The following PUM1 variants were observed in gnomAD, a reference collection of about 807,000 sequenced individuals.
PUM1 encodes pumilio RNA binding family member 1.
Under a neutral mutation model 131.8 loss-of-function variants are expected in PUM1, and 13 were observed. That is an observed-to-expected ratio of 0.10 (90% confidence interval 0.06 to 0.16). PUM1 has a LOEUF of 0.16. Among genes scored for constraint, PUM1 ranks in the 10% least tolerant of loss-of-function variants. The pLI, the probability that PUM1 is intolerant of heterozygous loss-of-function variation, is 1.00. For synonymous variants in PUM1, 509 were observed against 556.5 expected (o/e 0.91, Z 1.20); for missense variants, 961 against 1,512.4 (o/e 0.64, Z 6.05).
chr1:31,043,803 TA>T (rs1409838798), intron 2 of PUM1, among the ~76,000 whole-genome samples: 5 of 152,156 alleles, frequency 3.3e-5, no homozygotes, highest in African/African-American at 1.2e-4. Flanking sequence ...TTAGCCCCAG[TA>T]AAATGTGTGG....
chr1:30,992,433 G>C lies in PUM1; in HGVS notation c.1115C>G (p.Ala372Gly). Residue 372 changes from alanine to glycine, a missense_variant, in exon 7 of 22, where the codon GCA becomes GGA. Coordinates refer to ENST00000426105, the MANE Select transcript of PUM1 (RefSeq NM_001020658.2). ...YSGTQVPVDS[A>G]AATVGLFDYN... ...GTCAAAAAGTCCCACAGTTGCTGCT[G>C]CTGAGTCCACAGGTACCTGCGTGCC... The C allele has an allele frequency of 6.2e-7, 1 of 1,614,182 alleles. No individual in the cohort carries two copies. Among genetic ancestry groups the C allele is most frequent in the South Asian group, 1.1e-5 (1 of 91,076 alleles).
chr1:31,010,222 C>T (rs1178725043), intron 3 of PUM1, among the ~76,000 whole-genome samples: 1 of 152,174 alleles, frequency 6.6e-6, no homozygotes, highest in African/African-American at 2.4e-5. Flanking sequence ...GTCTTTCTCC[C>T]TTTCCTCCAA....
intron 2 of PUM1, chr1:31,051,001 G>T: frequency 6.4e-6 from 1 of 156,504 alleles, no homozygotes; most frequent in Non-Finnish European, 1.4e-5. Flanking sequence ...CAGTGTTTCT[G>T]TCAGTAAGCG....
intron 10 of PUM1, among the ~76,000 whole-genome samples, chr1:30,969,632 G>A (rs1031371373): frequency 1.3e-5 from 2 of 151,990 alleles, no homozygotes; most frequent in Non-Finnish European, 2.9e-5. Flanking sequence ...TCTGATAAAG[G>A]ATCTACTTTT....
intron 2 of PUM1, among the ~76,000 whole-genome samples, chr1:31,048,819 A>C (rs1395103864): frequency 1.3e-5 from 2 of 152,020 alleles, no homozygotes; most frequent in Admixed American, 1.3e-4. Flanking sequence ...CATATTTCTA[A>C]CTTTACTCCA....
Position 30,992,607 on chromosome 1 carries a change from G to A in PUM1, c.941C>T (p.Pro314Leu). The A allele has an allele frequency of 6.2e-7, 1 of 1,614,146 alleles. No homozygotes were observed. The highest frequency in any genetic ancestry group is 8.5e-7 in the Non-Finnish European group (1 of 1,180,004). ...TAAGCCCTCAGAACCATTCTGGTTT[G>A]GACCCAGAAGATCCACTTCATTAGC... ...NSANEVDLLG[P>L]NQNGSEGLAQ... Residue 314 changes from proline to leucine, a missense_variant, in exon 7 of 22, where the codon CCA becomes CTA. Around this residue, in one of 4 missense-constraint regions of PUM1, gnomAD observed 654 missense variants for 923.9 expected, o/e 0.71. Transcript: ENST00000426105.
intron 4 of PUM1, among the ~76,000 whole-genome samples, 178 bp downstream of exon 4, chr1:31,006,816 G>C (rs1642415081): frequency 6.6e-6 from 1 of 152,170 alleles, no homozygotes; most frequent in Non-Finnish European, 1.5e-5. Flanking sequence ...ATGATTTTGT[G>C]TTAATTATGT....
rs529336616 is a variant in PUM1 at position 30,955,300 on chromosome 1, CAA to C, written c.2324-1321_2324-1320del. Among the ~76,000 whole-genome samples the C allele has an allele frequency of 6.5e-3, 735 of 113,526 alleles. 6 individuals are homozygous for C. Among genetic ancestry groups the C allele is most frequent in the African/African-American group, 0.023 (673 of 29,138 alleles). The allele number at this position is 113,526 out of a possible 152,430, so 74.5% of individuals were successfully genotyped here. ...GAAACCCCGACTCTACTAAAAAATA[CAA>C]AAAAAAAAAAAAAAATTAGCTGGGC... On this transcript the variant is annotated intron_variant, in intron 14 of 21. Coordinates refer to ENST00000426105, the MANE Select transcript of PUM1 (RefSeq NM_001020658.2).
intron 1 of PUM1, among the ~76,000 whole-genome samples, chr1:31,062,526 AG>A (rs1484820746): frequency 6.6e-6 from 1 of 151,860 alleles, no homozygotes; most frequent in African/African-American, 2.4e-5. Flanking sequence ...AGACTGAGGC[AG>A]AAGAATCGCT....
chr1:31,003,313 C>T (rs1329206725), intron 5 of PUM1, among the ~76,000 whole-genome samples: 1 of 152,176 alleles, frequency 6.6e-6, no homozygotes, highest in East Asian at 1.9e-4. Context: ...AAAAGGCTCA[C>T]TTTCCTCAAG....
At chr1:31,003,878 G>C (rs1557580876) in intron 5 of PUM1, among the ~76,000 whole-genome samples, 1 of 152,122 alleles carries the variant, frequency 6.6e-6, no homozygotes, top group Non-Finnish European at 1.5e-5. Flanking sequence ...CTCTATAGAT[G>C]CAATCTAAGT....
At chr1:31,013,816 A>C (rs530932561) in intron 3 of PUM1, among the ~76,000 whole-genome samples, 4 of 152,172 alleles carry the variant, frequency 2.6e-5, no homozygotes, top group Non-Finnish European at 5.9e-5. Context: ...CATACCACAG[A>C]CTGTTGTTGT....
chr1:30,961,348 A>C (rs1280940923), intron 14 of PUM1, among the ~76,000 whole-genome samples: 1 of 91,722 alleles, frequency 1.1e-5, no homozygotes, highest in Non-Finnish European at 2.2e-5. Context: ...AGTTTCTACA[A>C]AAAAAAAAAA....
At chr1:31,034,460 T>A (rs777565468) in intron 2 of PUM1, among the ~76,000 whole-genome samples, 1 of 152,126 alleles carries the variant, frequency 6.6e-6, no homozygotes, top group Non-Finnish European at 1.5e-5. Flanking sequence ...GCCAACACGG[T>A]GAAATCCCGT....
At chr1:30,946,119 C>T (rs930612142) in intron 17 of PUM1, among the ~76,000 whole-genome samples, 1 of 152,030 alleles carries the variant, frequency 6.6e-6, no homozygotes, top group Non-Finnish European at 1.5e-5. Flanking sequence ...AAAGGGTAGA[C>T]ATCTTCAAAT....
At chr1:30,987,754 T>C (rs1418007251) in intron 7 of PUM1, among the ~76,000 whole-genome samples, 1 of 152,218 alleles carries the variant, frequency 6.6e-6, no homozygotes, top group Non-Finnish European at 1.5e-5. Context: ...AAGATATTTG[T>C]ACTTGGGTGG....
intron 1 of PUM1, among the ~76,000 whole-genome samples, chr1:31,063,485 A>G (rs1644411623): frequency 6.6e-6 from 1 of 150,712 alleles, no homozygotes; most frequent in Non-Finnish European, 1.5e-5. Flanking sequence ...GGCTGAGAGA[A>G]GGATAATGAG....
Position 30,941,207 on chromosome 1 carries a change from T to C in PUM1, c.3186A>G (p.Lys1062=). 6.2e-7 allele frequency: 1 copy of C among 1,613,674 alleles called. No individual in the cohort carries two copies. The change falls in exon 20 of 22, where the codon AAA becomes AAG. Residue 1062 remains lysine (K), a synonymous_variant. Coordinates refer to ENST00000426105, the MANE Select transcript of PUM1 (RefSeq NM_001020658.2). ...LEHGRPEDKS[K]IVAEIRGNVL... is the part of the protein sequence containing the mutation. ...CATTGCCTCGGATTTCTGCTACAAT[T>C]TTGCTTTTATCCTCAGGACGACCGT...
At chr1:30,995,504 CT>C (rs940873823) in intron 5 of PUM1, among the ~76,000 whole-genome samples, 1 of 151,856 alleles carries the variant, frequency 6.6e-6, no homozygotes, top group Non-Finnish European at 1.5e-5. Flanking sequence ...TTCTTCCTTC[CT>C]TTTTTTTCTT....
Sources: gnomAD v4.1 joint callset for allele counts (sites outside exome capture counted in the v4.1 genomes callset) on GRCh38, gnomAD v4.1.1 for gene constraint, gnomAD v4.1.1 regional missense constraint, MANE v1.5 for transcripts, NCBI Gene and HGNC (gene_info 2026-07-23, HGNC 2026-07-21) for gene names.